FBXO40: variants seen among roughly 807,000 people sequenced by gnomAD.
FBXO40 encodes F-box only protein 40.
A neutral mutation model predicts 49.9 loss-of-function variants in FBXO40; 50 were observed. That is an observed-to-expected ratio of 1.00 (90% CI 0.80 to 1.27). The LOEUF is 1.27. FBXO40 is among the 50% of genes most tolerant of loss of function. The probability of loss-of-function intolerance (pLI) is 0.00; values close to 1 mark genes in which losing one functional copy is unlikely to be tolerated. For missense variants in FBXO40, 895 were observed against 870.1 expected, an observed-to-expected ratio of 1.03 and a Z score of -0.36; for synonymous variants, 340 against 320.2, an observed-to-expected ratio of 1.06 and a Z score of -0.66.
chr3:121,610,228 G>T (rs2048957506), intron 1 of FBXO40, among the ~76,000 whole-genome samples: 1 of 152,222 alleles, frequency 6.6e-6, no homozygotes, highest in South Asian at 2.1e-4. Flanking sequence ...AAGGGGTGGA[G>T]AGCTCAAGGC....
intron 1 of FBXO40, among the ~76,000 whole-genome samples, chr3:121,596,405 G>A (rs941202835): frequency 2.0e-5 from 3 of 152,172 alleles, no homozygotes; most frequent in Admixed American, 6.5e-5. Flanking sequence ...GAAACAAGGA[G>A]GTTAAAACAG....
intron 1 of FBXO40, among the ~76,000 whole-genome samples, chr3:121,599,160 A>G (rs1466146649): frequency 3.3e-5 from 5 of 152,078 alleles, no homozygotes; most frequent in Non-Finnish European, 7.4e-5. Context: ...TCAGACAAGA[A>G]GCAAGAATTT....
In FBXO40 at chr3:121,614,262, T is replaced by C. The variant is rs537829211; in HGVS notation, c.-30-6284T>C. Among the ~76,000 whole-genome samples the C allele has an allele frequency of 4.2e-5, 5 of 119,852 alleles. No individual in the cohort carries two copies. The East Asian group carries it at 1.1e-3, about 26-fold the overall frequency. The allele number at this position is 119,852 out of a possible 152,430, so 78.6% of individuals were successfully genotyped here. ...TTCTAGCCTGGTGACAGAGCGAGAC[T>C]CTAGCTCAAAAAAAAAAAAAAAAAA... On this transcript the variant is annotated intron_variant, in intron 1 of 3. Transcript: ENST00000338040.
chr3:121,628,047 G>A lies in FBXO40; in HGVS notation c.*1137G>A. 1 of 397,710 alleles carries A rather than the reference G, an allele frequency of 2.5e-6. No homozygotes were observed. Among genetic ancestry groups the A allele is most frequent in the Non-Finnish European group, 4.4e-6 (1 of 225,856 alleles). 24.6% of individuals were successfully genotyped at this position (397,710 alleles called of 1,614,324 possible). ...AAAATGGATGATACTGCTGTTTTTG[G>A]TAACAAACAGTGAATATTCATAAGA... On this transcript the variant is annotated 3_prime_UTR_variant, in exon 4 of 4. Transcript: ENST00000338040.
intron 1 of FBXO40, among the ~76,000 whole-genome samples, chr3:121,594,307 C>T (rs1319707647): frequency 6.6e-6 from 1 of 151,938 alleles, no homozygotes; most frequent in Admixed American, 6.6e-5. Flanking sequence ...TTCAAGAGAG[C>T]CTCCTGCTTC....
chr3:121,597,625 T>A (rs1007090322), intron 1 of FBXO40, among the ~76,000 whole-genome samples: 1 of 150,520 alleles, frequency 6.6e-6, no homozygotes, highest in Non-Finnish European at 1.5e-5. Flanking sequence ...TCTCATTGGA[T>A]CCTTGTGCAA....
At chr3:121,599,255 G>T (rs1339776166) in intron 1 of FBXO40, among the ~76,000 whole-genome samples, 2 of 152,050 alleles carry the variant, frequency 1.3e-5, no homozygotes, top group Non-Finnish European at 1.5e-5. Flanking sequence ...ATCACCTGAG[G>T]CCCGGAGTTT....
At chr3:121,608,246 G>A (rs2048942461) in intron 1 of FBXO40, among the ~76,000 whole-genome samples, 1 of 152,176 alleles carries the variant, frequency 6.6e-6, no homozygotes. Flanking sequence ...CAAAATATCC[G>A]AGTGATGTTT....
intron 1 of FBXO40, among the ~76,000 whole-genome samples, chr3:121,600,632 C>T (rs2048897117): frequency 6.6e-6 from 1 of 152,182 alleles, no homozygotes. Flanking sequence ...GGATCAAACA[C>T]CTGTGTCTCC....
chr3:121,609,091 A>G (rs906713494), intron 1 of FBXO40, among the ~76,000 whole-genome samples: 2 of 152,094 alleles, frequency 1.3e-5, no homozygotes, highest in Admixed American at 6.6e-5. Flanking sequence ...AAAGGCCCAC[A>G]TAGGTTTCTT....
chr3:121,620,666 T>G, intron 2 of FBXO40, 88 bp downstream of exon 2: 1 of 1,528,164 alleles, frequency 6.5e-7, no homozygotes, highest in Non-Finnish European at 9.0e-7. Flanking sequence ...CTAGCAGACT[T>G]GCTCTTATGG....
At position 121,606,317 on chromosome 3, in the gene FBXO40, C is replaced by T. The variant is rs547333476; in HGVS notation, c.-31+12815C>T. 1.6e-3 allele frequency among the ~76,000 whole-genome samples: 240 copies of T among 152,254 alleles called. 1 individual carries two copies. Among genetic ancestry groups the T allele is most frequent in the African/African-American group, 5.6e-3 (231 of 41,540 alleles). On this transcript the variant is annotated intron_variant, in intron 1 of 3. Transcript: ENST00000338040. The stretch of plus-strand genomic sequence containing the variant: ...CGGTAGACTAGATTAGCAGACTGGG[C>T]GTCGGTAGCTTGTGGGGCTCCATAA...
At position 121,622,765 on chromosome 3, in the gene FBXO40, G is replaced by A; in HGVS notation, c.1336G>A (p.Asp446Asn). The A allele has an allele frequency of 6.2e-7, 1 of 1,614,172 alleles. No homozygotes were observed. Among genetic ancestry groups the A allele is most frequent in the Non-Finnish European group, 8.5e-7 (1 of 1,180,044 alleles). The change falls in exon 3 of 4, where the codon GAC (aspartate) becomes AAC (asparagine). Residue 446 changes from aspartate (D) to asparagine (N), a missense_variant. Asp to Asn is a conservative substitution (Grantham distance 23, BLOSUM62 1). Transcript: ENST00000338040. ...EQFSSGTVLADLTAATPGGLH... is the reference protein window; with the variant it reads ...EQFSSGTVLANLTAATPGGLH... ...GTTTTCCTCTGGGACAGTGCTGGCT[G>A]ACCTAACCGCTGCCACCCCAGGGGG...
intron 1 of FBXO40, among the ~76,000 whole-genome samples, chr3:121,600,868 C>G (rs1037319157): frequency 6.6e-6 from 1 of 152,214 alleles, no homozygotes; most frequent in Admixed American, 6.5e-5. Context: ...AGAGAAATCT[C>G]TCAATCTAGG....
intron 1 of FBXO40, among the ~76,000 whole-genome samples, chr3:121,605,550 G>A (rs550938534): frequency 6.6e-6 from 1 of 152,328 alleles, no homozygotes; most frequent in East Asian, 1.9e-4. Flanking sequence ...TGACTTAGGT[G>A]TCCTGCAGAG....
rs756600680 is a variant in FBXO40, at chr3:121,621,955, G to A, written c.526G>A (p.Val176Met). The A allele has an allele frequency of 1.2e-6, 2 of 1,614,230 alleles. No individual in the cohort carries two copies. The highest frequency in any genetic ancestry group is 1.7e-6 in the Non-Finnish European group (2 of 1,180,048). The change falls in exon 3 of 4, where the codon GTG becomes ATG. Residue 176 changes from valine to methionine, a missense_variant. Val to Met is a conservative substitution (Grantham distance 21). Coordinates refer to ENST00000338040, the MANE Select transcript of FBXO40 (RefSeq NM_016298.4). ...GGAAATGGGAGGAGCAGTGGGTGGAGTGGATATCGGTTTGGTACCACATGG... is the reference window on the plus strand; with the variant it reads ...GGAAATGGGAGGAGCAGTGGGTGGAATGGATATCGGTTTGGTACCACATGG... ...VEEMGGAVGG[V>M]DIGLVPHGLS...
chr3:121,621,625 C>T lies in FBXO40; in HGVS notation c.196C>T (p.Leu66Phe), dbSNP rs951502692. Residue 66 changes from leucine (L) to phenylalanine (F), a missense_variant, in exon 3 of 4, where the codon CTC becomes TTC. Physicochemically the swap from Leu to Phe is conservative, Grantham distance 22. Coordinates refer to ENST00000338040, the MANE Select transcript of FBXO40 (RefSeq NM_016298.4). ...LLCPLEQVPC[L>F]NSEYGCPLSM... ...CTGCCCTTTAGAGCAGGTTCCGTGC[C>T]TCAACTCCGAATATGGCTGCCCTCT... 2.5e-6 allele frequency: 4 copies of T among 1,614,096 alleles called. No homozygotes were observed. Among genetic ancestry groups the T allele is most frequent in the Admixed American group, 3.3e-5 (2 of 60,016 alleles).
rs1462439346 is a variant in FBXO40 at position 121,628,484 on chromosome 3, CA to C, written c.*1576del. The C allele has an allele frequency of 3.3e-5, 5 of 152,246 alleles. No individual in the cohort carries two copies. In the East Asian group the frequency reaches 9.7e-4, roughly 29 times the overall value. The allele number at this position is 152,246 out of a possible 1,614,324, so 9.4% of individuals were successfully genotyped here. A position where few individuals can be genotyped will look rare whatever the true frequency, so the allele number is the denominator to read the frequency against. On this transcript the variant is annotated 3_prime_UTR_variant, in exon 4 of 4. Transcript: ENST00000338040. ...GCCTGAACTGGATAATTCTTTGTTG[CA>C]AGGGACTGTTCTGTGTACTACAGGA...
At chr3:121,593,524 G>A (rs1013738663) in intron 1 of FBXO40, 22 bp downstream of exon 1, 24 of 152,210 alleles carry the variant, frequency 1.6e-4, no homozygotes, top group African/African-American at 5.6e-4. Context: ...AACAGGAGCA[G>A]GTGCACCATG....
Sources: allele counts gnomAD v4.1 joint callset (sites outside exome capture counted in the v4.1 genomes callset), GRCh38; gene constraint gnomAD v4.1.1; transcripts MANE v1.5; gene names NCBI Gene and HGNC (gene_info 2026-07-23, HGNC 2026-07-21).